RANBP2: variants seen among roughly 807,000 people sequenced by gnomAD.
The protein encoded by RANBP2 is RAN binding protein 2.
Under a neutral mutation model 303.6 loss-of-function variants are expected in RANBP2, and 57 were observed. The observed-to-expected ratio is 0.19, with a 90% CI of 0.15 to 0.23. The LOEUF is 0.23. Ranked by LOEUF, RANBP2 falls within the 10% of genes least tolerant of loss-of-function variation. RANBP2 has a pLI of 1.00. For missense variants in RANBP2, 3,138 were observed against 3,780.8 expected (o/e 0.83, Z 4.46); for synonymous variants, 1,167 against 1,301.5 (o/e 0.90, Z 2.23).
chr2:109,303,361 G>T, the RANBP2 span, among the ~76,000 whole-genome samples: 3 of 152,196 alleles, frequency 2.0e-5, no homozygotes, highest in African/African-American at 7.2e-5. Flanking sequence ...GTTGAATGAA[G>T]GTGGGCACTC....
the RANBP2 span, among the ~76,000 whole-genome samples, chr2:109,463,866 G>A: frequency 2.6e-5 from 4 of 152,132 alleles, no homozygotes; most frequent in South Asian, 8.3e-4. Context: ...CCCTCAGCTG[G>A]GCTTTGAGGA....
chr2:109,715,456 C>T, the RANBP2 span, among the ~76,000 whole-genome samples: 2 of 152,114 alleles, frequency 1.3e-5, no homozygotes, highest in African/African-American at 4.8e-5. Flanking sequence ...CTTAGGCTCA[C>T]TTAGGCTATT....
chr2:109,038,569 G>T, the RANBP2 span, among the ~76,000 whole-genome samples: 64 of 152,150 alleles, frequency 4.2e-4, no homozygotes, highest in African/African-American at 1.4e-3. Context: ...CCCCGTGAAA[G>T]ACCTTATGAA....
chr2:109,580,347 TG>T, the RANBP2 span, among the ~76,000 whole-genome samples: 1 of 74,462 alleles, frequency 1.3e-5, no homozygotes, highest in Non-Finnish European at 3.1e-5. Context: ...CTCCATAAAA[TG>T]CAAAAAAAAA....
the RANBP2 span, chr2:109,432,605 A>AG: frequency 6.2e-7 from 1 of 1,613,408 alleles, no homozygotes; most frequent in Non-Finnish European, 8.5e-7. Flanking sequence ...GGCTGGTTCA[A>AG]GGGGGCGTCT....
chr2:109,145,593 G>T, the RANBP2 span, among the ~76,000 whole-genome samples: 5 of 152,184 alleles, frequency 3.3e-5, no homozygotes, highest in Admixed American at 6.5e-5. Context: ...TGCACGCATG[G>T]TCGAGCGACC....
At chr2:108,936,055 CAG>C in the RANBP2 span, among the ~76,000 whole-genome samples, 11 of 152,368 alleles carry the variant, frequency 7.2e-5, no homozygotes, top group East Asian at 1.7e-3. Flanking sequence ...TTAGGAGAAG[CAG>C]AGTCACTGCC....
the RANBP2 span, among the ~76,000 whole-genome samples, chr2:109,050,865 G>A: frequency 6.6e-6 from 1 of 152,092 alleles, no homozygotes; most frequent in African/African-American, 2.4e-5. Context: ...CACGTATAGT[G>A]TACTATGTAT....
chr2:109,158,374 C>G, the RANBP2 span, among the ~76,000 whole-genome samples: 27 of 152,180 alleles, frequency 1.8e-4, no homozygotes, highest in African/African-American at 5.8e-4. Context: ...TGGGGAGAAT[C>G]CAGTGTGTAA....
chr2:109,045,690 C>T, the RANBP2 span, among the ~76,000 whole-genome samples: 1 of 152,126 alleles, frequency 6.6e-6, no homozygotes, highest in African/African-American at 2.4e-5. Flanking sequence ...CTGCCACTTC[C>T]CGGGACTGGG....
chr2:108,830,566 G>A, the RANBP2 span, among the ~76,000 whole-genome samples: 1 of 151,570 alleles, frequency 6.6e-6, no homozygotes, highest in East Asian at 1.9e-4. Flanking sequence ...CAGCACTTTG[G>A]GAGGCCGAGG....
chr2:108,954,279 G>A, the RANBP2 span, among the ~76,000 whole-genome samples: 1 of 152,182 alleles, frequency 6.6e-6, no homozygotes, highest in South Asian at 2.1e-4. Context: ...TGGGCAGATA[G>A]CTATACATCA....
the RANBP2 span, among the ~76,000 whole-genome samples, chr2:108,822,276 G>T: frequency 6.6e-6 from 1 of 152,024 alleles, no homozygotes; most frequent in African/African-American, 2.4e-5. Context: ...AAATATTTAT[G>T]CCCTGAAACA....
chr2:109,401,018 G>T, the RANBP2 span, among the ~76,000 whole-genome samples: 1 of 152,230 alleles, frequency 6.6e-6, no homozygotes, highest in Non-Finnish European at 1.5e-5. Context: ...CCCAGTGGCG[G>T]ACCAGTGTGG....
At chr2:109,325,269 G>GTAGA in the RANBP2 span, among the ~76,000 whole-genome samples, 1 of 150,410 alleles carries the variant, frequency 6.6e-6, no homozygotes, top group African/African-American at 2.4e-5. Context: ...CCAAGAAATC[G>GTAGA]TAGAATCCCA....
chr2:109,028,627 T>C, the RANBP2 span, among the ~76,000 whole-genome samples: 1 of 152,186 alleles, frequency 6.6e-6, no homozygotes, highest in African/African-American at 2.4e-5. Context: ...AGCCCTCACT[T>C]AGAGGAGTGC....
At chr2:109,447,372 T>C in the RANBP2 span, among the ~76,000 whole-genome samples, 1 of 152,082 alleles carries the variant, frequency 6.6e-6, no homozygotes, top group Non-Finnish European at 1.5e-5. Context: ...ACGGTGCTAC[T>C]TCCCGTGGCC....
the RANBP2 span, among the ~76,000 whole-genome samples, chr2:109,070,239 A>G: frequency 4.6e-5 from 7 of 152,232 alleles, no homozygotes; most frequent in Non-Finnish European, 8.8e-5. Flanking sequence ...TGGAGCATTG[A>G]TGACTATGCT....
chr2:109,616,712 A>G, the RANBP2 span: 1 of 167,104 alleles, frequency 6.0e-6, no homozygotes, highest in Admixed American at 6.5e-5. Context: ...TTAATCACTG[A>G]ACAAAAGAAA....
Sources: allele counts gnomAD v4.1 joint callset (sites outside exome capture counted in the v4.1 genomes callset), GRCh38; gene constraint gnomAD v4.1.1; transcripts MANE v1.5; gene names NCBI Gene and HGNC (gene_info 2026-07-23, HGNC 2026-07-21).